The following CFAP20DC variants were observed in gnomAD, a reference collection of about 807,000 sequenced individuals.
The protein encoded by CFAP20DC is CFAP20 domain containing.
A neutral mutation model predicts 101.7 loss-of-function variants in CFAP20DC; 84 were observed. That is an observed-to-expected ratio of 0.83 (90% CI 0.69 to 0.99). The LOEUF (loss-of-function observed/expected upper bound fraction) is 0.99, where lower values mean the gene tolerates loss of function less well. Among genes scored for constraint, CFAP20DC ranks in the 50% least tolerant of loss-of-function variants. The pLI, the probability that CFAP20DC is intolerant of heterozygous loss-of-function variation, is 0.00. For missense variants in CFAP20DC, 1,007 were observed against 970.3 expected (o/e 1.04, Z -0.50); for synonymous variants, 359 against 351.2 (o/e 1.02, Z -0.25).
chr3:58,747,883 C>G (rs1019714290), intron 16 of CFAP20DC, among the ~76,000 whole-genome samples: 6 of 152,040 alleles, frequency 3.9e-5, no homozygotes, highest in Non-Finnish European at 5.9e-5. Context: ...AGATAAATAA[C>G]CAACAATGGA....
intron 15 of CFAP20DC, among the ~76,000 whole-genome samples, chr3:58,768,975 C>T (rs1303061038): frequency 6.6e-6 from 1 of 152,160 alleles, no homozygotes; most frequent in Non-Finnish European, 1.5e-5. Context: ...TGAGGGAGGG[C>T]TTATAAAAAG....
In CFAP20DC at chr3:58,884,683, C is replaced by T. The variant is rs1298372008; in HGVS notation, c.577G>A (p.Asp193Asn). Reference protein sequence around the residue: ...DAVYGVPFSTDEPTDIIPRSC... With the variant: ...DAVYGVPFSTNEPTDIIPRSC... Reference sequence around the variant, plus strand: ...CGTGGTATAATATCTGTAGGCTCATCTGTTGAAAAGGGAACACCATAGACA... The same window carrying T: ...CGTGGTATAATATCTGTAGGCTCATTTGTTGAAAAGGGAACACCATAGACA... Residue 193 changes from aspartate to asparagine, a missense_variant, in exon 7 of 17, where the codon GAT (aspartate) becomes AAT (asparagine). Physicochemically the swap from Asp to Asn is conservative, Grantham distance 23. Transcript: ENST00000482387. 6.2e-7 allele frequency: 1 copy of T among 1,613,532 alleles called. No individual in the cohort carries two copies. The highest frequency in any genetic ancestry group is 1.1e-5 in the South Asian group (1 of 90,980).
chr3:58,880,416 A>G (rs184176725), intron 7 of CFAP20DC, among the ~76,000 whole-genome samples: 2 of 152,238 alleles, frequency 1.3e-5, no homozygotes, highest in Admixed American at 6.5e-5. Context: ...TAGCTGCATG[A>G]TATCTTATTG....
At position 58,767,835 on chromosome 3, in the gene CFAP20DC, C is replaced by G. The variant is rs143160178; in HGVS notation, c.2238-13972G>C. Among the ~76,000 whole-genome samples, 5 of 152,294 alleles carry G rather than the reference C, an allele frequency of 3.3e-5. No homozygotes were observed. In the South Asian group the frequency reaches 1.0e-3, roughly 32 times the overall value. On this transcript the variant is annotated intron_variant, in intron 15 of 16. Coordinates refer to ENST00000482387, the MANE Select transcript of CFAP20DC (RefSeq NM_001394063.1). Reference sequence around the variant, plus strand: ...TGAAACCCTTCCACAACATTCCCACCAAGTGTTTATCTAATCTATGCTTGA... The same window carrying G: ...TGAAACCCTTCCACAACATTCCCACGAAGTGTTTATCTAATCTATGCTTGA...
chr3:58,836,253 T>C (rs2076728536), intron 13 of CFAP20DC, among the ~76,000 whole-genome samples: 1 of 152,166 alleles, frequency 6.6e-6, no homozygotes, highest in Non-Finnish European at 1.5e-5. Flanking sequence ...ATAGTATATG[T>C]TGAGGTATAG....
At chr3:58,824,622 C>T (rs1272134467) in intron 14 of CFAP20DC, 3 of 151,894 alleles carry the variant, frequency 2.0e-5, no homozygotes, top group East Asian at 3.9e-4. Flanking sequence ...ATGAAAATGG[C>T]GATAATGTTG....
chr3:58,947,784 G>A (rs1034385497), intron 4 of CFAP20DC, among the ~76,000 whole-genome samples: 2 of 152,180 alleles, frequency 1.3e-5, no homozygotes, highest in African/African-American at 4.8e-5. Context: ...CAGGAGTGAG[G>A]GAGCAGGGAG....
intron 4 of CFAP20DC, among the ~76,000 whole-genome samples, chr3:59,020,783 T>C (rs2093788214): frequency 6.6e-6 from 1 of 152,094 alleles, no homozygotes; most frequent in Non-Finnish European, 1.5e-5. Context: ...TCTCACCTTA[T>C]GGACAGTATG....
rs544001524 is a variant in CFAP20DC at position 59,045,084 on chromosome 3, A to G, written c.205+1145T>C. 6.5e-4 allele frequency among the ~76,000 whole-genome samples: 99 copies of G among 152,172 alleles called. 2 individuals carry two copies. In the South Asian group the frequency reaches 0.02, roughly 30 times the overall value. On this transcript the variant is annotated intron_variant, in intron 3 of 16. Transcript: ENST00000482387. ...AAATTAAAAACTATCTTTAATGATG[A>G]TATCTCTTCTTTTTTTTTCCGGTCT...
At position 59,002,515 on chromosome 3, in the gene CFAP20DC, C is replaced by T. The variant is rs2093338300; in HGVS notation, c.278+37042G>A. Among the ~76,000 whole-genome samples the T allele has an allele frequency of 6.6e-6, 1 of 152,168 alleles. No individual in the cohort carries two copies. ...CTACCATTTTGATTTTTAAAAATAT[C>T]CATGTACACCCTGGTCATCATAACA... On this transcript the variant is annotated intron_variant, in intron 4 of 16. Transcript: ENST00000482387. This position sits in a 1 kb window ranked among gnomAD's most constrained non-coding sequence, Gnocchi z 4.5.
chr3:58,799,733 CTGTGTGTGTG>C lies in CFAP20DC; in HGVS notation c.2237+6652_2237+6661del, dbSNP rs112827949. On this transcript the variant is annotated intron_variant, in intron 15 of 16. Transcript: ENST00000482387. This position sits in a 1 kb window ranked among gnomAD's most constrained non-coding sequence, Gnocchi z 4.9. ...AGTGTGTGTGTGTCTGTGTGTGTGT[CTGTGTGTGTG>C]TGTGTGTGTGTGTGTGTGTGTGTGT... Among the ~76,000 whole-genome samples, 726 of 142,962 alleles carry C rather than the reference CTGTGTGTGTG, an allele frequency of 5.1e-3. 4 individuals are homozygous for C. Among genetic ancestry groups the C allele is most frequent in the African/African-American group, 0.016 (647 of 39,708 alleles). 93.8% of individuals were successfully genotyped at this position (142,962 alleles called of 152,430 possible). A position where few individuals can be genotyped will look rare whatever the true frequency, so the allele number is the denominator to read the frequency against.
At chr3:58,806,773 C>A (rs1324276594) in intron 14 of CFAP20DC, among the ~76,000 whole-genome samples, 1 of 152,244 alleles carries the variant, frequency 6.6e-6, no homozygotes, top group East Asian at 1.9e-4. Flanking sequence ...AGCATTGCCT[C>A]ACTCGGGAAG....
At position 58,858,639 on chromosome 3, in the gene CFAP20DC, C is replaced by G. The variant is rs567957507; in HGVS notation, c.1593+4919G>C. Reference sequence around the variant, plus strand: ...TCATATTTCAATGGAGTTTTAAATTCAATCCACCATGAAAAAAATCTTATG... The same window carrying G: ...TCATATTTCAATGGAGTTTTAAATTGAATCCACCATGAAAAAAATCTTATG... On this transcript the variant is annotated intron_variant, in intron 12 of 16. Transcript: ENST00000482387. Among the ~76,000 whole-genome samples the G allele has an allele frequency of 5.9e-5, 9 of 152,138 alleles. No homozygotes were observed. The East Asian group carries it at 1.5e-3, about 26-fold the overall frequency.
chr3:58,855,430 G>A (rs997742863), intron 12 of CFAP20DC, among the ~76,000 whole-genome samples: 1 of 152,094 alleles, frequency 6.6e-6, no homozygotes, highest in Non-Finnish European at 1.5e-5. Flanking sequence ...TCAGTGTGGC[G>A]ATTCCTCAGG....
intron 4 of CFAP20DC, among the ~76,000 whole-genome samples, chr3:58,954,134 CTTTTCAATTCAA>C (rs1194644190): frequency 6.6e-6 from 1 of 152,132 alleles, no homozygotes; most frequent in Non-Finnish European, 1.5e-5. Context: ...AGTAAAATTA[CTTTTCAATTCAA>C]TTTTCAATTT....
rs2107730534 is a variant in CFAP20DC at position 58,806,255 on chromosome 3, G to A, written c.2237+140C>T. 3 of 636,032 alleles carry A rather than the reference G, an allele frequency of 4.7e-6. No individual in the cohort carries two copies. The East Asian group carries it at 8.3e-5, about 18-fold the overall frequency. The allele number at this position is 636,032 out of a possible 1,614,324, so 39.4% of individuals were successfully genotyped here. A position where few individuals can be genotyped will look rare whatever the true frequency, so the allele number is the denominator to read the frequency against. ...CTATTCTAAAGTCCAAAGAAGACAAGTAGATGAACTAGGACTTTGAAAGAA... is the reference window on the plus strand; with the variant it reads ...CTATTCTAAAGTCCAAAGAAGACAAATAGATGAACTAGGACTTTGAAAGAA... On this transcript the variant is annotated intron_variant, in intron 15 of 16. Transcript: ENST00000482387.
At chr3:58,852,431 G>C (rs1005494344) in intron 12 of CFAP20DC, among the ~76,000 whole-genome samples, 18 of 151,598 alleles carry the variant, frequency 1.2e-4, no homozygotes, top group African/African-American at 4.4e-4. Flanking sequence ...ACAGATCAAC[G>C]AGACAGAAAG....
chr3:58,999,855 A>G lies in CFAP20DC; in HGVS notation c.278+39702T>C, dbSNP rs868498239. 5.3e-5 allele frequency among the ~76,000 whole-genome samples: 8 copies of G among 151,068 alleles called. No homozygotes were observed. The South Asian group carries it at 1.0e-3, about 20-fold the overall frequency. On this transcript the variant is annotated intron_variant, in intron 4 of 16. Transcript: ENST00000482387. ...GGAGTCACTAATGTAAAAAAAAAAA[A>G]AAAAAAAAAAAAGAACCTGACAGAG... is the stretch of plus-strand genomic sequence containing the variant.
chr3:58,827,159 G>A (rs932085133), intron 14 of CFAP20DC, among the ~76,000 whole-genome samples: 2 of 152,082 alleles, frequency 1.3e-5, no homozygotes, highest in African/African-American at 4.8e-5. Flanking sequence ...TACCACTCTG[G>A]TGGGGGACAC....
Sources: allele counts gnomAD v4.1 joint callset (sites outside exome capture counted in the v4.1 genomes callset), GRCh38; gene constraint gnomAD v4.1.1; non-coding constraint Gnocchi (gnomAD v3.1); transcripts MANE v1.5; gene names NCBI Gene and HGNC (gene_info 2026-07-23, HGNC 2026-07-21).